PTPRM: variants seen among roughly 807,000 people sequenced by gnomAD.
PTPRM encodes protein tyrosine phosphatase receptor type M.
PTPRM carries 47 observed loss-of-function variants against 186.7 expected under a neutral mutation model. The observed-to-expected ratio is 0.25, with a 90% confidence interval of 0.20 to 0.32. The LOEUF is 0.32. PTPRM is among the 10% of genes least tolerant of loss of function. PTPRM has a pLI of 1.00. For missense variants in PTPRM, 1,494 were observed against 1,865.0 expected (o/e 0.80, Z 3.66); for synonymous variants, 668 against 674.9 (o/e 0.99, Z 0.16).
At chr18:8,405,505 C>T (rs7239047) in intron 32 of PTPRM, among the ~76,000 whole-genome samples, 150 of 152,302 alleles carry the variant, frequency 9.8e-4, no homozygotes, top group African/African-American at 3.5e-3. Context: ...GAAGACCTGC[C>T]GTCCCCTGAG....
chr18:8,061,550 T>G (rs1244305731), intron 7 of PTPRM, among the ~76,000 whole-genome samples: 1 of 90,594 alleles, frequency 1.1e-5, no homozygotes, highest in Non-Finnish European at 2.3e-5. Flanking sequence ...TTCTTCCTAG[T>G]CTCGATGGTC....
At chr18:7,900,914 C>T (rs974737962) in intron 3 of PTPRM, among the ~76,000 whole-genome samples, 2 of 152,140 alleles carry the variant, frequency 1.3e-5, no homozygotes, top group Admixed American at 1.3e-4. Flanking sequence ...GAAATTCAAA[C>T]CTTCTAATAT....
At chr18:7,888,557 A>G (rs1292929545) in intron 3 of PTPRM, among the ~76,000 whole-genome samples, 180 bp downstream of exon 3, 1 of 152,234 alleles carries the variant, frequency 6.6e-6, no homozygotes, top group African/African-American at 2.4e-5. Context: ...GCCCCTTTGT[A>G]AAGCAGCTTG....
At chr18:8,066,878 T>C (rs578146073) in intron 7 of PTPRM, among the ~76,000 whole-genome samples, 2 of 152,300 alleles carry the variant, frequency 1.3e-5, no homozygotes, top group East Asian at 3.9e-4. Flanking sequence ...ATGGGAAATG[T>C]GAGACATAAT....
intron 19 of PTPRM, among the ~76,000 whole-genome samples, chr18:8,257,168 C>T (rs946266069): frequency 5.9e-5 from 9 of 152,208 alleles, no homozygotes; most frequent in African/African-American, 1.9e-4. Context: ...GATGACTTCT[C>T]TCTTGGAAGA....
At chr18:7,702,006 T>C (rs893019010) in intron 1 of PTPRM, among the ~76,000 whole-genome samples, 1 of 152,204 alleles carries the variant, frequency 6.6e-6, no homozygotes. Context: ...GCTTCATCCA[T>C]GTCCCTGCAA....
chr18:8,322,339 C>T (rs148765437), intron 22 of PTPRM, among the ~76,000 whole-genome samples: 39 of 152,192 alleles, frequency 2.6e-4, no homozygotes, highest in African/African-American at 7.9e-4. Context: ...TAATGGGTGA[C>T]GTTTCTGCAA....
At chr18:8,155,409 A>G (rs183824112) in intron 14 of PTPRM, among the ~76,000 whole-genome samples, 3 of 152,326 alleles carry the variant, frequency 2.0e-5, no homozygotes, top group East Asian at 3.9e-4. Flanking sequence ...GAAAATAATT[A>G]AAGAGTTAGG....
At chr18:8,054,088 T>TA (rs2087713828) in intron 7 of PTPRM, among the ~76,000 whole-genome samples, 1 of 151,918 alleles carries the variant, frequency 6.6e-6, no homozygotes, top group South Asian at 2.1e-4. Context: ...TTTTTCTTGT[T>TA]TCATTCTTAC....
At chr18:8,339,772 G>C (rs557328027) in intron 22 of PTPRM, among the ~76,000 whole-genome samples, 2 of 152,230 alleles carry the variant, frequency 1.3e-5, no homozygotes, top group South Asian at 4.2e-4. Flanking sequence ...AGGAGCTGCT[G>C]AATCCAAATG....
At chr18:8,001,818 A>C (rs548650530) in intron 7 of PTPRM, among the ~76,000 whole-genome samples, 1 of 152,176 alleles carries the variant, frequency 6.6e-6, no homozygotes, top group Non-Finnish European at 1.5e-5. Context: ...TGGAAAGCCT[A>C]CAGGCAGAAG....
chr18:8,378,365 AC>A lies in PTPRM; in HGVS notation c.3564del (p.Asn1188LysfsTer19). 6.2e-7 allele frequency: 1 copy of A among 1,614,064 alleles called. No individual in the cohort carries two copies. Among genetic ancestry groups the A allele is most frequent in the Non-Finnish European group, 8.5e-7 (1 of 1,179,936 alleles). On this transcript the variant is annotated frameshift_variant, in exon 27 of 33. Transcript: ENST00000580170. LOFTEE classifies it high-confidence loss of function. ...SQVRSLYYDMNKLDPQTNSSQ... is the reference protein window; with the variant it reads ...SQVRSLYYDMXKLDPQTNSSQ... ...GTTAGGTCTCTGTATTATGACATGAACAAACTGGATCCACAGACAAACTCAA... is the reference window on the plus strand; with the variant it reads ...GTTAGGTCTCTGTATTATGACATGAAAAACTGGATCCACAGACAAACTCAA...
chr18:7,784,807 C>T (rs918153367), intron 2 of PTPRM, among the ~76,000 whole-genome samples: 1 of 152,192 alleles, frequency 6.6e-6, no homozygotes, highest in Non-Finnish European at 1.5e-5. Context: ...TTCAGGGAGA[C>T]ATCAGCCTGC....
intron 19 of PTPRM, among the ~76,000 whole-genome samples, chr18:8,275,214 G>A (rs1251374077): frequency 1.3e-5 from 2 of 152,084 alleles, no homozygotes; most frequent in East Asian, 3.9e-4. Context: ...CAAGGCCGGG[G>A]AATCACTTGG....
intron 2 of PTPRM, among the ~76,000 whole-genome samples, chr18:7,829,855 T>G (rs183795037): frequency 1.3e-5 from 2 of 152,210 alleles, no homozygotes; most frequent in African/African-American, 4.8e-5. Flanking sequence ...TGTTTACTTA[T>G]GTATCTATTT....
intron 2 of PTPRM, among the ~76,000 whole-genome samples, chr18:7,873,861 C>A (rs780442554): frequency 2.6e-5 from 4 of 152,090 alleles, no homozygotes; most frequent in Admixed American, 6.6e-5. Context: ...AATCAAAACC[C>A]TGGAAGATTA....
intron 2 of PTPRM, among the ~76,000 whole-genome samples, chr18:7,779,984 T>C (rs1436323382): frequency 6.6e-6 from 1 of 152,212 alleles, no homozygotes; most frequent in Non-Finnish European, 1.5e-5. Flanking sequence ...CATTTATTAA[T>C]GACTTTCTAG....
intron 7 of PTPRM, among the ~76,000 whole-genome samples, chr18:8,000,898 C>T (rs2083832356): frequency 6.6e-6 from 1 of 152,174 alleles, no homozygotes; most frequent in Admixed American, 6.5e-5. Flanking sequence ...GTGGCAGGCA[C>T]TTGAATAAAC....
At chr18:8,036,795 G>A (rs1209087350) in intron 7 of PTPRM, among the ~76,000 whole-genome samples, 2 of 152,184 alleles carry the variant, frequency 1.3e-5, no homozygotes, top group Non-Finnish European at 2.9e-5. Flanking sequence ...TCGCTTGAGT[G>A]CACATGTAAT....
Sources: gnomAD v4.1 joint callset for allele counts (sites outside exome capture counted in the v4.1 genomes callset) on GRCh38, gnomAD v4.1.1 for gene constraint, MANE v1.5 for transcripts, NCBI Gene and HGNC (gene_info 2026-07-23, HGNC 2026-07-21) for gene names.